ROBO2: variants seen among roughly 807,000 people sequenced by gnomAD.
The protein encoded by ROBO2 is roundabout homolog 2.
Under a neutral mutation model 160.8 loss-of-function variants are expected in ROBO2, and 53 were observed. The observed-to-expected ratio is 0.33, with a 90% CI of 0.26 to 0.41. ROBO2 has a LOEUF of 0.41. Among genes scored for constraint, ROBO2 ranks in the 10% least tolerant of loss-of-function variants. ROBO2 has a pLI of 1.00. For missense variants in ROBO2, 1,577 were observed against 1,722.4 expected, an observed-to-expected ratio of 0.92 and a Z score of 1.49; for synonymous variants, 664 against 611.7, an observed-to-expected ratio of 1.09 and a Z score of -1.26.
At chr3:76,413,389 T>C (rs1314841670) in intron 2 of ROBO2, among the ~76,000 whole-genome samples, 3 of 152,238 alleles carry the variant, frequency 2.0e-5, no homozygotes, top group African/African-American at 7.2e-5. Context: ...AATGGGTTTT[T>C]CTTTTCTATC....
Position 76,465,749 on chromosome 3 carries a change from G to A in ROBO2, c.109+528147G>A, listed in dbSNP as rs191520278. Among the ~76,000 whole-genome samples, 4 of 152,014 alleles carry A rather than the reference G, an allele frequency of 2.6e-5. No homozygotes were observed. In the East Asian group the frequency reaches 7.7e-4, roughly 29 times the overall value. ...TTCCAGTCTATTTCACAGGAGAAGT[G>A]TCCATTGTTCTAAAGATATATTGTT... On this transcript the variant is annotated intron_variant, in intron 2 of 26. Coordinates refer to the ROBO2 transcript ENST00000487694.
At chr3:77,513,616 TGG>T (rs1193241601) in intron 5 of ROBO2, among the ~76,000 whole-genome samples, 4 of 151,954 alleles carry the variant, frequency 2.6e-5, no homozygotes, top group East Asian at 1.9e-4. Flanking sequence ...ATGCAAACTG[TGG>T]GTTTTAAGTA....
At position 76,834,171 on chromosome 3, in the gene ROBO2, T is replaced by TTCTTTCTTTC. The variant is rs755070628; in HGVS notation, c.110-263840_110-263839insTTCTTTCTCT. 4.3e-5 allele frequency among the ~76,000 whole-genome samples: 5 copies of TTCTTTCTTTC among 117,104 alleles called. 1 individual carries two copies. The East Asian group carries it at 1.6e-3, about 37-fold the overall frequency. The allele number at this position is 117,104 out of a possible 152,430, so 76.8% of individuals were successfully genotyped here. On this transcript the variant is annotated intron_variant, in intron 2 of 26. Transcript: ENST00000487694. ...CCTTTCTTTCTCTCTCTTTCTTTCT[T>TTCTTTCTTTC]TCTCTCTCTCTCTCTCTCTTTCTTT...
chr3:76,331,338 G>C (rs1008223951), intron 2 of ROBO2, among the ~76,000 whole-genome samples: 1 of 152,118 alleles, frequency 6.6e-6, no homozygotes, highest in Admixed American at 6.5e-5. Context: ...CTTGCTTCCA[G>C]CAATTAGGAA....
intron 2 of ROBO2, among the ~76,000 whole-genome samples, chr3:76,612,533 C>T (rs1440746348): frequency 2.0e-5 from 3 of 152,148 alleles, no homozygotes; most frequent in African/African-American, 4.8e-5. Context: ...GGGAACATCA[C>T]GTACCAGGCC....
At chr3:76,481,447 A>T (rs561603437) in intron 2 of ROBO2, among the ~76,000 whole-genome samples, 5 of 152,290 alleles carry the variant, frequency 3.3e-5, no homozygotes, top group Admixed American at 3.3e-4. Flanking sequence ...TGAGAAGATA[A>T]TGTGCATAGT....
At chr3:76,810,062 G>T (rs1179119962) in intron 2 of ROBO2, among the ~76,000 whole-genome samples, 1 of 152,012 alleles carries the variant, frequency 6.6e-6, no homozygotes, top group African/African-American at 2.4e-5. Context: ...AAAATATAGG[G>T]AAAATTAAAA....
intron 2 of ROBO2, among the ~76,000 whole-genome samples, chr3:76,131,172 T>G (rs1351718046): frequency 6.6e-6 from 1 of 152,202 alleles, no homozygotes; most frequent in Non-Finnish European, 1.5e-5. Flanking sequence ...TCCTTTTACA[T>G]AAGTGCTTGA....
At chr3:77,019,240 A>T (rs1248791929) in intron 2 of ROBO2, among the ~76,000 whole-genome samples, 4 of 152,128 alleles carry the variant, frequency 2.6e-5, no homozygotes, top group Non-Finnish European at 4.4e-5. Context: ...AGGCAGATTC[A>T]ATGCTTGTTG....
At chr3:77,300,228 C>G (rs55730712) in intron 2 of ROBO2, among the ~76,000 whole-genome samples, 46,450 of 148,172 alleles carry the variant, frequency 0.31, 8,644 homozygotes, top group Middle Eastern at 0.46. Flanking sequence ...ACTCTAGACT[C>G]TGCCTAGAGT....
intron 2 of ROBO2, among the ~76,000 whole-genome samples, chr3:76,159,534 C>T (rs747165070): frequency 6.6e-6 from 1 of 152,068 alleles, no homozygotes; most frequent in Non-Finnish European, 1.5e-5. Flanking sequence ...TATTAAAAGA[C>T]TTGTGTCAAA....
At chr3:76,404,319 T>C (rs1355554710) in intron 2 of ROBO2, among the ~76,000 whole-genome samples, 1 of 151,710 alleles carries the variant, frequency 6.6e-6, no homozygotes, top group African/African-American at 2.4e-5. Flanking sequence ...CATTATGTTA[T>C]ATGTATGAAA....
chr3:75,988,051 A>G (rs995893396), intron 2 of ROBO2, among the ~76,000 whole-genome samples: 3 of 152,012 alleles, frequency 2.0e-5, no homozygotes, highest in African/African-American at 4.8e-5. Flanking sequence ...CTGGCCTCAT[A>G]TGAAGTATTC....
intron 2 of ROBO2, among the ~76,000 whole-genome samples, chr3:77,332,283 C>T (rs1420823335): frequency 7.9e-5 from 12 of 152,148 alleles, no homozygotes; most frequent in Admixed American, 3.3e-4. Flanking sequence ...CCACCTTGTA[C>T]TTATTAACAT....
chr3:76,226,932 C>A (rs1310440000), intron 2 of ROBO2, among the ~76,000 whole-genome samples: 2 of 152,136 alleles, frequency 1.3e-5, no homozygotes, highest in African/African-American at 4.8e-5. Flanking sequence ...CCATGAAAGT[C>A]CAGGAGGCCT....
At chr3:77,649,122 G>T (rs1338723153) in exon 26 of ROBO2, 1 of 152,096 alleles carries the variant, frequency 6.6e-6, no homozygotes, top group Admixed American at 6.6e-5. Context: ...GGCATGAAAA[G>T]AATTGATTCC....
At chr3:76,826,094 A>C (rs1210615605) in intron 2 of ROBO2, among the ~76,000 whole-genome samples, 1 of 150,352 alleles carries the variant, frequency 6.7e-6, no homozygotes, top group Non-Finnish European at 1.5e-5. Flanking sequence ...TCACATTTTG[A>C]ATTAGTAATT....
rs999102374 is a variant in ROBO2 at position 77,646,233 on chromosome 3, C to G, written c.*178C>G. 2 of 443,784 alleles carry G rather than the reference C, an allele frequency of 4.5e-6. No homozygotes were observed. Among genetic ancestry groups the G allele is most frequent in the Non-Finnish European group, 8.1e-6 (2 of 245,838 alleles). 27.5% of individuals were successfully genotyped at this position (443,784 alleles called of 1,614,324 possible). A position where few individuals can be genotyped will look rare whatever the true frequency, so the allele number is the denominator to read the frequency against. On this transcript the variant is annotated 3_prime_UTR_variant, in exon 26 of 26. Transcript: ENST00000461745. ...ACAGATATTTTCATTGTGTTCTTCT[C>G]TTAAGTACACCACCCACCTTAACTC...
chr3:77,116,645 T>C (rs1269015402), intron 2 of ROBO2, among the ~76,000 whole-genome samples: 1 of 152,182 alleles, frequency 6.6e-6, no homozygotes, highest in Non-Finnish European at 1.5e-5. Context: ...TTTTCTAATA[T>C]GATTTCCAAT....
Sources: allele counts gnomAD v4.1 joint callset (sites outside exome capture counted in the v4.1 genomes callset), GRCh38; gene constraint gnomAD v4.1.1; transcripts MANE v1.5; gene names NCBI Gene and HGNC (gene_info 2026-07-23, HGNC 2026-07-21).